Variants in CNNM1 observed in about 807,000 individuals in gnomAD.
CNNM1 encodes cyclin and CBS domain divalent metal cation transport mediator 1.
CNNM1 carries 44 observed loss-of-function variants against 78.8 expected under a neutral mutation model. The observed-to-expected ratio is 0.56, with a 90% CI of 0.44 to 0.72. The LOEUF (loss-of-function observed/expected upper bound fraction) is 0.72, where lower values mean the gene tolerates loss of function less well. CNNM1 is among the 30% of genes least tolerant of loss of function. The pLI is 0.00. For synonymous variants in CNNM1, 584 were observed against 581.5 expected (o/e 1.00, Z -0.06); for missense variants, 1,101 against 1,292.2 (o/e 0.85, Z 2.27).
chr10:99,382,517 C>T (rs1389575790), intron 7 of CNNM1, among the ~76,000 whole-genome samples: 1 of 152,190 alleles, frequency 6.6e-6, no homozygotes, highest in South Asian at 2.1e-4. Flanking sequence ...AATCCCACCA[C>T]TTTGGGAGGC....
intron 1 of CNNM1, among the ~76,000 whole-genome samples, chr10:99,332,108 A>T (rs1167802425): frequency 2.0e-5 from 3 of 152,128 alleles, no homozygotes; most frequent in Admixed American, 2.0e-4. Context: ...TTGGCCCAGA[A>T]CCCTTGATTG....
At chr10:99,338,716 A>G (rs1347988559) in intron 1 of CNNM1, among the ~76,000 whole-genome samples, 1 of 152,214 alleles carries the variant, frequency 6.6e-6, no homozygotes, top group Non-Finnish European at 1.5e-5. Context: ...TGAAATAGTA[A>G]CTCAATATTT....
At chr10:99,371,125 T>A (rs2031789093) in intron 6 of CNNM1, among the ~76,000 whole-genome samples, 1 of 152,166 alleles carries the variant, frequency 6.6e-6, no homozygotes, top group South Asian at 2.1e-4. Context: ...GTGATTTATT[T>A]GCATTTTGAA....
intron 1 of CNNM1, among the ~76,000 whole-genome samples, chr10:99,333,020 AG>A (rs2029987732): frequency 6.6e-6 from 1 of 152,200 alleles, no homozygotes; most frequent in South Asian, 2.1e-4. Context: ...TAGCAGTCCA[AG>A]ATCAAGGTGT....
chr10:99,359,151 C>G (rs1393994108), intron 2 of CNNM1, among the ~76,000 whole-genome samples: 2 of 148,384 alleles, frequency 1.3e-5, no homozygotes, highest in African/African-American at 5.0e-5. Context: ...AACCTTAAGG[C>G]TTCCAACACA....
At chr10:99,346,112 T>C (rs891453750) in intron 1 of CNNM1, among the ~76,000 whole-genome samples, 25 of 152,186 alleles carry the variant, frequency 1.6e-4, no homozygotes, top group Non-Finnish European at 3.1e-4. Flanking sequence ...AGTTCAGAAA[T>C]GATCCTGCTT....
At chr10:99,369,002 T>G (rs540309569) in intron 6 of CNNM1, among the ~76,000 whole-genome samples, 15 of 152,290 alleles carry the variant, frequency 9.8e-5, no homozygotes, top group African/African-American at 3.1e-4. Flanking sequence ...ATGAATGAAG[T>G]AGGAATAGTG....
intron 1 of CNNM1, among the ~76,000 whole-genome samples, chr10:99,341,383 A>C (rs551588592): frequency 6.6e-5 from 10 of 152,116 alleles, no homozygotes; most frequent in African/African-American, 1.4e-4. Flanking sequence ...ACTGAGTACC[A>C]GGGCTCGGCA....
chr10:99,330,162 A>C lies in CNNM1; in HGVS notation c.775A>C (p.Asn259His), dbSNP rs549431727. The C allele has an allele frequency of 8.5e-6, 13 of 1,532,284 alleles. No homozygotes were observed. The highest frequency in any genetic ancestry group is 2.0e-5 in the Admixed American group (1 of 49,858). 94.9% of individuals were successfully genotyped at this position (1,532,284 alleles called of 1,614,324 possible). A position where few individuals can be genotyped will look rare whatever the true frequency, so the allele number is the denominator to read the frequency against. Residue 259 changes from asparagine to histidine, a missense_variant, in exon 1 of 11, where the codon AAC becomes CAC. Coordinates refer to ENST00000356713, the MANE Select transcript of CNNM1 (RefSeq NM_020348.3). ...LDPVELRVLRNSGSAAEQEQA... is the reference protein window; with the variant it reads ...LDPVELRVLRHSGSAAEQEQA... ...CCCGGTGGAGTTACGGGTGCTGCGG[A>C]ACAGCGGCTCGGCCGCCGAGCAGGA... is the stretch of plus-strand genomic sequence containing the variant.
chr10:99,387,937 G>A lies in CNNM1; in HGVS notation c.2458G>A (p.Gly820Ser), dbSNP rs1251054694. Residue 820 changes from glycine (G) to serine (S), a missense_variant, in exon 8 of 11, where the codon GGC becomes AGC. By Grantham distance (56) the Gly-to-Ser change is moderately conservative (BLOSUM62 0). Around this residue, in one of 3 missense-constraint regions of CNNM1, gnomAD observed 348 missense variants for 384.5 expected, o/e 0.90. Transcript: ENST00000356713. The part of the protein sequence containing the change: ...GDSTKAPTTR[G>S]TPQTPKDDPA... ...CTCCACTAAGGCCCCCACAACCCGG[G>A]GCACACCCCAGACCCCTAAGGATGA... is the stretch of plus-strand genomic sequence containing the variant. 1 of 1,612,900 alleles carries A rather than the reference G, an allele frequency of 6.2e-7. No individual in the cohort carries two copies. The highest frequency in any genetic ancestry group is 1.7e-5 in the Admixed American group (1 of 59,908).
intron 7 of CNNM1, among the ~76,000 whole-genome samples, chr10:99,385,093 T>C (rs1366239188): frequency 6.6e-6 from 1 of 151,346 alleles, no homozygotes; most frequent in East Asian, 1.9e-4. Context: ...TACAACTCAC[T>C]GAAGATAAAA....
rs149165877 is a variant in CNNM1, at chr10:99,375,605, T to C, written c.2177-1450T>C. 3.6e-3 allele frequency among the ~76,000 whole-genome samples: 545 copies of C among 152,332 alleles called. 5 individuals carry two copies. The highest frequency in any genetic ancestry group is 0.012 in the African/African-American group (519 of 41,568). ...CTATTATTTTACTCTTTCTGCTACA[T>C]GGTTTGCCAGACAACAGCTTGGCAG... On this transcript the variant is annotated intron_variant, in intron 6 of 10. Coordinates refer to ENST00000356713, the MANE Select transcript of CNNM1 (RefSeq NM_020348.3).
chr10:99,386,945 G>T (rs897128868), intron 7 of CNNM1, among the ~76,000 whole-genome samples: 2 of 152,206 alleles, frequency 1.3e-5, no homozygotes, highest in East Asian at 3.8e-4. Context: ...GATTGGGAAG[G>T]ATATTATGCC....
At chr10:99,346,534 G>C (rs1285469277) in intron 1 of CNNM1, among the ~76,000 whole-genome samples, 1 of 152,146 alleles carries the variant, frequency 6.6e-6, no homozygotes, top group Non-Finnish European at 1.5e-5. Context: ...TCTCTTCTCT[G>C]TCTACTCTCA....
At chr10:99,345,423 A>G (rs888985304) in intron 1 of CNNM1, among the ~76,000 whole-genome samples, 4 of 152,208 alleles carry the variant, frequency 2.6e-5, no homozygotes, top group Non-Finnish European at 5.9e-5. Context: ...GAGAGTCCAC[A>G]TATCTCTCTT....
intron 7 of CNNM1, among the ~76,000 whole-genome samples, chr10:99,380,148 G>A (rs920044952): frequency 6.6e-6 from 1 of 151,492 alleles, no homozygotes. Flanking sequence ...TCTTCTAAGG[G>A]CACTAATCCC....
chr10:99,356,554 CAGACAGACAGAA>C lies in CNNM1; in HGVS notation c.1574-954_1574-943del, dbSNP rs1486867613. ...AAAGAAAGAAAGACAGACAGACAGA[CAGACAGACAGAA>C]AGAAAGAAAGAAAGAAAGAAAGAAA... On this transcript the variant is annotated intron_variant, in intron 1 of 10. Coordinates refer to ENST00000356713, the MANE Select transcript of CNNM1 (RefSeq NM_020348.3). 4.5e-3 allele frequency among the ~76,000 whole-genome samples: 202 copies of C among 44,540 alleles called. 1 individual carries two copies. Among genetic ancestry groups the C allele is most frequent in the Admixed American group, 0.023 (88 of 3,830 alleles). The allele number at this position is 44,540 out of a possible 152,430, so 29.2% of individuals were successfully genotyped here. A position where few individuals can be genotyped will look rare whatever the true frequency, so the allele number is the denominator to read the frequency against.
chr10:99,330,433 G>A lies in CNNM1; in HGVS notation c.1046G>A (p.Arg349Gln), dbSNP rs1368652598. The A allele has an allele frequency of 1.3e-6, 2 of 1,591,488 alleles. No homozygotes were observed. Among genetic ancestry groups the A allele is most frequent in the Non-Finnish European group, 8.5e-7 (1 of 1,169,962 alleles). ...AEICPYSVCS[R>Q]HGLAIASHSV... ...ATCTGCCCCTACTCAGTGTGTTCGC[G>A]GCACGGGCTGGCCATCGCCTCGCAC... Residue 349 changes from arginine (R) to glutamine (Q), a missense_variant, in exon 1 of 11, where the codon CGG (arginine) becomes CAG (glutamine). By Grantham distance (43) the Arg-to-Gln change is conservative. Around this residue, in one of 3 missense-constraint regions of CNNM1, gnomAD observed 277 missense variants for 423.2 expected, o/e 0.65. Transcript: ENST00000356713.
At chr10:99,330,985 C>G in intron 1 of CNNM1, 25 bp downstream of exon 1, 2 of 1,583,040 alleles carry the variant, frequency 1.3e-6, no homozygotes, top group South Asian at 2.3e-5. Flanking sequence ...ATCTTCTCCC[C>G]CAACTCCTAT....
Sources: allele counts gnomAD v4.1 joint callset (sites outside exome capture counted in the v4.1 genomes callset), GRCh38; gene constraint gnomAD v4.1.1; regional missense constraint gnomAD v4.1.1; transcripts MANE v1.5; gene names NCBI Gene and HGNC (gene_info 2026-07-23, HGNC 2026-07-21).